Variants in CPPED1 observed in about 807,000 individuals in gnomAD.
CPPED1 encodes calcineurin like phosphoesterase domain containing 1, also known as serine/threonine-protein phosphatase CPPED1.
CPPED1 carries 28 observed loss-of-function variants against 28.0 expected under a neutral mutation model. That is an observed-to-expected ratio of 1.00 (90% CI 0.74 to 1.37). The LOEUF (loss-of-function observed/expected upper bound fraction) is 1.37. Ranked by LOEUF, CPPED1 falls within the 40% of genes most tolerant of loss-of-function variation. CPPED1 has a pLI of 0.00. For synonymous variants in CPPED1, 198 were observed against 180.2 expected, an observed-to-expected ratio of 1.10 and a Z score of -0.79; for missense variants, 504 against 416.5, an observed-to-expected ratio of 1.21 and a Z score of -1.83.
At chr16:12,735,231 G>A (rs1335128268) in intron 2 of CPPED1, among the ~76,000 whole-genome samples, 4 of 152,168 alleles carry the variant, frequency 2.6e-5, no homozygotes, top group African/African-American at 9.7e-5. Context: ...AAAAGAGAAT[G>A]GGATGAGTAG....
intron 3 of CPPED1, among the ~76,000 whole-genome samples, chr16:12,684,204 C>G (rs770409476): frequency 3.0e-4 from 45 of 152,270 alleles, no homozygotes; most frequent in Non-Finnish European, 4.6e-4. Context: ...GTAAACTGAG[C>G]AGAGCCATCT....
intron 1 of CPPED1, among the ~76,000 whole-genome samples, chr16:12,792,976 C>G (rs2080605828): frequency 1.3e-5 from 2 of 152,244 alleles, no homozygotes; most frequent in African/African-American, 4.8e-5. Context: ...TCCACCAACT[C>G]TTCCTGCTGA....
chr16:12,792,313 G>T (rs1450589137), intron 1 of CPPED1, among the ~76,000 whole-genome samples: 4 of 152,132 alleles, frequency 2.6e-5, no homozygotes, highest in Non-Finnish European at 5.9e-5. Context: ...TCAGACCAGG[G>T]ATGATTCTGA....
chr16:12,758,981 G>A (rs756688586), intron 2 of CPPED1, among the ~76,000 whole-genome samples: 1 of 151,554 alleles, frequency 6.6e-6, no homozygotes, highest in Non-Finnish European at 1.5e-5. Flanking sequence ...TGGGCAACAC[G>A]GCAAGACCCC....
Position 12,704,674 on chromosome 16 carries a change from T to G in CPPED1, c.665A>C (p.Asn222Thr), listed in dbSNP as rs565629915. The G allele has an allele frequency of 3.7e-6, 6 of 1,614,000 alleles. No individual in the cohort carries two copies. The highest frequency in any genetic ancestry group is 2.2e-5 in the East Asian group (1 of 44,870). The change falls in exon 3 of 4, where the codon AAC becomes ACC. Residue 222 changes from asparagine to threonine, a missense_variant. By Grantham distance (65) the Asn-to-Thr change is moderately conservative (BLOSUM62 0). Coordinates refer to ENST00000381774, the MANE Select transcript of CPPED1 (RefSeq NM_018340.3). ...SIDEDDDYYF[N>T]LSKSTRKKLA... Reference sequence around the variant, plus strand: ...CTTCTTCCGAGTGGACTTGCTGAGGTTGAAGTAGTAGTCGTCGTCCTCGTC... The same window carrying G: ...CTTCTTCCGAGTGGACTTGCTGAGGGTGAAGTAGTAGTCGTCGTCCTCGTC...
intron 1 of CPPED1, among the ~76,000 whole-genome samples, chr16:12,790,276 G>C (rs948025709): frequency 6.6e-5 from 10 of 152,162 alleles, no homozygotes; most frequent in African/African-American, 2.4e-4. Context: ...ATTTGTCTCT[G>C]CTAATACATT....
Position 12,670,492 on chromosome 16 carries a change from ATAGTT to A in CPPED1, c.716-5382_716-5378del, listed in dbSNP as rs1336094195. Among the ~76,000 whole-genome samples the A allele has an allele frequency of 6.6e-6, 1 of 152,024 alleles. No individual in the cohort carries two copies. The highest frequency in any genetic ancestry group is 1.9e-4 in the East Asian group (1 of 5,192). Reference sequence around the variant, plus strand: ...GCATCCTGACTTCTGTTCAAAGAGTATAGTTTAAAGAGAAGGTTAAAAAAAAAAAG... The same window carrying A: ...GCATCCTGACTTCTGTTCAAAGAGTATAAAGAGAAGGTTAAAAAAAAAAAG... On this transcript the variant is annotated intron_variant, in intron 3 of 3. Transcript: ENST00000381774. This position sits in a 1 kb window ranked among gnomAD's most constrained non-coding sequence, Gnocchi z 4.2.
intron 2 of CPPED1, among the ~76,000 whole-genome samples, chr16:12,768,550 A>T (rs1398497883): frequency 6.6e-6 from 1 of 152,206 alleles, no homozygotes; most frequent in African/African-American, 2.4e-5. Flanking sequence ...CCACATGTTG[A>T]CCATGAAAAG....
At chr16:12,770,225 T>C (rs2080462100) in intron 2 of CPPED1, among the ~76,000 whole-genome samples, 1 of 152,144 alleles carries the variant, frequency 6.6e-6, no homozygotes, top group African/African-American at 2.4e-5. Context: ...TGGTGTGCTC[T>C]CAGTGCAAAT....
chr16:12,705,082 C>A, intron 2 of CPPED1, 33 bp from the exon 3 acceptor site: 1 of 1,569,130 alleles, frequency 6.4e-7, no homozygotes, highest in Non-Finnish European at 8.6e-7. Flanking sequence ...CTGAGAAAGC[C>A]AGGGGCTTAT....
At position 12,664,647 on chromosome 16, in the gene CPPED1, A is replaced by G; in HGVS notation, c.*239T>C. ...TTTATTCAAACATCCATGCAGAGATAGTCTAATATTTTAAAAACTGATTTC... is the reference window on the plus strand; with the variant it reads ...TTTATTCAAACATCCATGCAGAGATGGTCTAATATTTTAAAAACTGATTTC... On this transcript the variant is annotated 3_prime_UTR_variant, in exon 4 of 4. Transcript: ENST00000381774. The surrounding 1 kb of genome is among the most constrained non-coding windows in gnomAD (Gnocchi z 4.2). The G allele has an allele frequency of 7.5e-7, 1 of 1,340,196 alleles. No individual in the cohort carries two copies. The highest frequency in any genetic ancestry group is 9.5e-7 in the Non-Finnish European group (1 of 1,053,112). 83.0% of individuals were successfully genotyped at this position (1,340,196 alleles called of 1,614,324 possible).
At chr16:12,697,265 T>C (rs1339667720) in intron 3 of CPPED1, among the ~76,000 whole-genome samples, 1 of 152,070 alleles carries the variant, frequency 6.6e-6, no homozygotes, top group Non-Finnish European at 1.5e-5. Context: ...GCTCAGGTGA[T>C]AATTAAATCA....
chr16:12,795,307 A>C (rs1463065283), intron 1 of CPPED1, among the ~76,000 whole-genome samples: 2 of 152,152 alleles, frequency 1.3e-5, no homozygotes, highest in Non-Finnish European at 2.9e-5. Flanking sequence ...GATGCTCTGG[A>C]GTAGTGCACA....
chr16:12,698,120 C>T (rs766629354), intron 3 of CPPED1, among the ~76,000 whole-genome samples: 11 of 151,538 alleles, frequency 7.3e-5, no homozygotes, highest in Admixed American at 1.3e-4. Flanking sequence ...CAACCCCCAC[C>T]AAAAAAAAGT....
chr16:12,726,144 C>T (rs1020791958), intron 2 of CPPED1, among the ~76,000 whole-genome samples: 10 of 152,176 alleles, frequency 6.6e-5, no homozygotes, highest in African/African-American at 1.7e-4. Flanking sequence ...TGGGTTCAAA[C>T]GATCCTCCTG....
intron 2 of CPPED1, among the ~76,000 whole-genome samples, chr16:12,758,535 A>G (rs535750844): frequency 6.6e-6 from 1 of 152,296 alleles, no homozygotes; most frequent in East Asian, 1.9e-4. Flanking sequence ...TGCCTGTCAC[A>G]TGCCTGGCAT....
At chr16:12,740,786 G>A (rs932838610) in intron 2 of CPPED1, among the ~76,000 whole-genome samples, 1 of 152,194 alleles carries the variant, frequency 6.6e-6, no homozygotes, top group African/African-American at 2.4e-5. Flanking sequence ...CCCTGTGGCA[G>A]GAAAGGAGAG....
At chr16:12,734,218 C>T (rs553411252) in intron 2 of CPPED1, among the ~76,000 whole-genome samples, 7 of 151,446 alleles carry the variant, frequency 4.6e-5, no homozygotes, top group Admixed American at 1.3e-4. Flanking sequence ...TACAAGCATG[C>T]ACCACCATGC....
intron 1 of CPPED1, among the ~76,000 whole-genome samples, chr16:12,790,607 C>A (rs1389815851): frequency 6.6e-6 from 1 of 152,112 alleles, no homozygotes; most frequent in African/African-American, 2.4e-5. Flanking sequence ...AAATAGCTTT[C>A]TTAACTTGAT....
Sources: allele counts gnomAD v4.1 joint callset (sites outside exome capture counted in the v4.1 genomes callset), GRCh38; gene constraint gnomAD v4.1.1; non-coding constraint Gnocchi (gnomAD v3.1); transcripts MANE v1.5; gene names NCBI Gene and HGNC (gene_info 2026-07-23, HGNC 2026-07-21).